LRP1B: variants seen among roughly 807,000 people sequenced by gnomAD.
LRP1B encodes low-density lipoprotein receptor-related protein 1B.
In LRP1B, 217 loss-of-function variants were observed where a neutral mutation model predicts 556.6. The observed-to-expected ratio is 0.39, with a 90% CI of 0.35 to 0.44. The LOEUF (loss-of-function observed/expected upper bound fraction) is 0.44, where lower values mean the gene tolerates loss of function less well. LRP1B is among the 20% of genes least tolerant of loss of function. LRP1B has a pLI of 1.00. For missense variants in LRP1B, 5,053 were observed against 5,620.8 expected (o/e 0.90, Z 3.23); for synonymous variants, 2,047 against 1,865.8 (o/e 1.10, Z -2.50).
At chr2:140,951,423 G>C (rs897807098) in intron 19 of LRP1B, among the ~76,000 whole-genome samples, 1 of 152,068 alleles carries the variant, frequency 6.6e-6, no homozygotes, top group Non-Finnish European at 1.5e-5. Context: ...ATTTAGCATA[G>C]TAATACAATT....
At chr2:142,060,447 T>G (rs1306489382) in intron 1 of LRP1B, among the ~76,000 whole-genome samples, 5 of 152,086 alleles carry the variant, frequency 3.3e-5, no homozygotes, top group Non-Finnish European at 5.9e-5. Context: ...AGTCTGCCTC[T>G]GCTGATCCAC....
intron 3 of LRP1B, among the ~76,000 whole-genome samples, chr2:141,456,128 CTG>C (rs1046926151): frequency 6.6e-6 from 1 of 152,338 alleles, no homozygotes; most frequent in African/African-American, 2.4e-5. Context: ...AGAGGACAAA[CTG>C]GCCACCAGTA....
At chr2:141,464,606 A>ATATATATATATATATATATATATATATT in intron 3 of LRP1B, among the ~76,000 whole-genome samples, 1 of 90,562 alleles carries the variant, frequency 1.1e-5, no homozygotes, top group Non-Finnish European at 2.2e-5. Flanking sequence ...ATATATATAT[A>ATATATATATATATATATATATATATATT]TTTTTTTAGT....
chr2:140,516,182 A>T (rs1323297438), intron 50 of LRP1B, among the ~76,000 whole-genome samples: 1 of 152,098 alleles, frequency 6.6e-6, no homozygotes, highest in Non-Finnish European at 1.5e-5. Context: ...TCAGGATAAT[A>T]ATATTCAGTC....
At chr2:140,769,393 T>C (rs1689227660) in intron 34 of LRP1B, 49 bp from the exon 35 acceptor site, 2 of 1,482,366 alleles carry the variant, frequency 1.3e-6, no homozygotes, top group Non-Finnish European at 9.1e-7. Context: ...CCAGAATGAA[T>C]ATTTAAAATA....
chr2:141,566,666 A>G (rs1686342500), intron 2 of LRP1B, among the ~76,000 whole-genome samples: 1 of 152,176 alleles, frequency 6.6e-6, no homozygotes, highest in Non-Finnish European at 1.5e-5. Context: ...GAAATACCAC[A>G]TCCCCTTTCT....
Position 140,335,664 on chromosome 2 carries a change from T to C in LRP1B, c.12067A>G (p.Thr4023Ala). 1 of 1,612,782 alleles carries C rather than the reference T, an allele frequency of 6.2e-7. No homozygotes were observed. The highest frequency in any genetic ancestry group is 8.5e-7 in the Non-Finnish European group (1 of 1,179,104). ...LNGPNCTRLLTNMAGEPYAIA... is the reference protein window; with the variant it reads ...LNGPNCTRLLANMAGEPYAIA... ...GCATAGGGTTCTCCAGCCATATTTGTTAAGAGTCTGGTGCAGTTGGGGCCA... is the reference window on the plus strand; with the variant it reads ...GCATAGGGTTCTCCAGCCATATTTGCTAAGAGTCTGGTGCAGTTGGGGCCA... The change falls in exon 78 of 91, where the codon ACA becomes GCA. Residue 4023 changes from threonine (T) to alanine (A), a missense_variant. By Grantham distance (58) the Thr-to-Ala change is moderately conservative. Transcript: ENST00000389484.
chr2:140,532,947 T>TATATATATATATACAC, intron 47 of LRP1B, among the ~76,000 whole-genome samples: 1 of 124,318 alleles, frequency 8.0e-6, no homozygotes, highest in African/African-American at 3.2e-5. Context: ...TATATATATA[T>TATATATATATATACAC]ACACATATAT....
chr2:141,789,834 C>T (rs994815070), intron 2 of LRP1B, among the ~76,000 whole-genome samples: 1 of 151,958 alleles, frequency 6.6e-6, no homozygotes, highest in African/African-American at 2.4e-5. Context: ...CAGTTTCCCT[C>T]CGATCTTCCT....
chr2:141,223,338 A>G (rs1683117503), intron 6 of LRP1B, among the ~76,000 whole-genome samples: 1 of 152,190 alleles, frequency 6.6e-6, no homozygotes, highest in Admixed American at 6.5e-5. Flanking sequence ...AGGGAAGTGT[A>G]GGGCCTCTTC....
intron 2 of LRP1B, among the ~76,000 whole-genome samples, chr2:141,714,843 A>G (rs1380851809): frequency 6.6e-6 from 1 of 152,184 alleles, no homozygotes; most frequent in Non-Finnish European, 1.5e-5. Flanking sequence ...ATGCAGAATA[A>G]TGGGATGGGT....
intron 1 of LRP1B, among the ~76,000 whole-genome samples, chr2:142,037,297 G>A (rs1703912626): frequency 1.3e-5 from 2 of 151,562 alleles, no homozygotes; most frequent in African/African-American, 2.4e-5. Flanking sequence ...AGCCTCTAGG[G>A]AATGCTGAGA....
At chr2:141,590,531 C>T (rs2105293397) in intron 2 of LRP1B, among the ~76,000 whole-genome samples, 1 of 152,066 alleles carries the variant, frequency 6.6e-6, no homozygotes, top group African/African-American at 2.4e-5. Flanking sequence ...TGAATTAAGC[C>T]TCAAACAGTT....
intron 3 of LRP1B, among the ~76,000 whole-genome samples, chr2:141,391,356 G>A (rs943066334): frequency 1.1e-4 from 17 of 152,098 alleles, no homozygotes; most frequent in Non-Finnish European, 2.1e-4. Flanking sequence ...ATACGTAACC[G>A]GAGATTTAAA....
chr2:141,705,245 A>G (rs1470446392), intron 2 of LRP1B, among the ~76,000 whole-genome samples: 1 of 151,982 alleles, frequency 6.6e-6, no homozygotes, highest in Non-Finnish European at 1.5e-5. Context: ...TTGAATATCA[A>G]TTTCTGCTAT....
At chr2:141,251,739 G>A (rs914881831) in intron 4 of LRP1B, among the ~76,000 whole-genome samples, 1 of 152,068 alleles carries the variant, frequency 6.6e-6, no homozygotes, top group Non-Finnish European at 1.5e-5. Context: ...TAAATAGTGA[G>A]AAGAGAAAGA....
At position 141,209,288 on chromosome 2, in the gene LRP1B, C is replaced by A. The variant is rs1305248264; in HGVS notation, c.850+19895G>T. ...CATGCTGTTCTCATGAGAGTAAGTT[C>A]TCAGGAGATCTGATGGTTTCATAAA... On this transcript the variant is annotated intron_variant, in intron 6 of 90. Coordinates refer to ENST00000389484, the MANE Select transcript of LRP1B (RefSeq NM_018557.3). 6.6e-5 allele frequency among the ~76,000 whole-genome samples: 10 copies of A among 152,206 alleles called. No homozygotes were observed. In the East Asian group the frequency reaches 1.9e-3, roughly 29 times the overall value.
chr2:141,772,499 C>T (rs1375018825), intron 2 of LRP1B, among the ~76,000 whole-genome samples: 1 of 152,030 alleles, frequency 6.6e-6, no homozygotes, highest in Non-Finnish European at 1.5e-5. Context: ...ATGCAAATTC[C>T]CAGGCGCTTC....
In LRP1B at chr2:140,321,701, T is replaced by C. The variant is rs143241066; in HGVS notation, c.12640+262A>G. On this transcript the variant is annotated intron_variant, in intron 82 of 90. Coordinates refer to ENST00000389484, the MANE Select transcript of LRP1B (RefSeq NM_018557.3). ...AGAAGAGTTATAAAAAAAATCTCTT[T>C]TGGGTCTGTGAGTGACTTCAAAGTT... Among the ~76,000 whole-genome samples the C allele has an allele frequency of 1.9e-3, 282 of 152,118 alleles. 1 individual carries two copies. Among genetic ancestry groups the C allele is most frequent in the African/African-American group, 6.4e-3 (267 of 41,538 alleles).
Sources: allele counts gnomAD v4.1 joint callset (sites outside exome capture counted in the v4.1 genomes callset), GRCh38; gene constraint gnomAD v4.1.1; transcripts MANE v1.5; gene names NCBI Gene and HGNC (gene_info 2026-07-23, HGNC 2026-07-21).